HSF2: variants seen among roughly 807,000 people sequenced by gnomAD.
The protein encoded by HSF2 is heat shock transcription factor 2, also known as heat shock factor protein 2.
In HSF2, 21 loss-of-function variants were observed where a neutral mutation model predicts 65.0. The observed-to-expected ratio is 0.32, with a 90% CI of 0.23 to 0.47. The LOEUF (loss-of-function observed/expected upper bound fraction) is 0.47, where lower values mean the gene tolerates loss of function less well. Among genes scored for constraint, HSF2 ranks in the 20% least tolerant of loss-of-function variants. HSF2 has a pLI of 1.00. For missense variants in HSF2, 499 were observed against 628.1 expected (o/e 0.79, Z 2.20); for synonymous variants, 225 against 219.1 (o/e 1.03, Z -0.24).
intron 8 of HSF2, 90 bp from the exon 9 acceptor site, chr6:122,422,627 TG>T (rs1774262148): frequency 7.5e-7 from 1 of 1,330,922 alleles, no homozygotes; most frequent in Non-Finnish European, 1.1e-6. Flanking sequence ...GTATGTGGTA[TG>T]GGGAGAGAGT....
chr6:122,404,033 C>G lies in HSF2; in HGVS notation c.93+4203C>G, dbSNP rs9490447. ...GGTCATCCTTTTGTCAGTGTTGTTACCTTTGTCTCTGTTCTTCAGATTGTT... is the reference window on the plus strand; with the variant it reads ...GGTCATCCTTTTGTCAGTGTTGTTAGCTTTGTCTCTGTTCTTCAGATTGTT... On this transcript the variant is annotated intron_variant, in intron 1 of 12. Coordinates refer to ENST00000368455, the MANE Select transcript of HSF2 (RefSeq NM_004506.4). Among the ~76,000 whole-genome samples the G allele has an allele frequency of 5.8e-4, 88 of 152,266 alleles. 1 individual carries two copies. The highest frequency in any genetic ancestry group is 2.1e-3 in the African/African-American group (88 of 41,546).
chr6:122,431,711 T>C (rs977345744), intron 12 of HSF2, among the ~76,000 whole-genome samples, 197 bp downstream of exon 12: 2 of 152,032 alleles, frequency 1.3e-5, no homozygotes, highest in Admixed American at 1.3e-4. Flanking sequence ...TATTTAACTT[T>C]AGGAAACTAA....
At chr6:122,403,023 A>G (rs767443379) in intron 1 of HSF2, among the ~76,000 whole-genome samples, 37 of 151,770 alleles carry the variant, frequency 2.4e-4, no homozygotes, top group South Asian at 2.1e-4. Flanking sequence ...TTTTTTTTCA[A>G]TGGTGGAAAA....
chr6:122,423,009 T>G, intron 9 of HSF2, 52 bp downstream of exon 9: 1 of 1,588,932 alleles, frequency 6.3e-7, no homozygotes, highest in Non-Finnish European at 8.6e-7. Context: ...TTTGTTCACT[T>G]CACATGTTCT....
intron 6 of HSF2, 102 bp from the exon 7 acceptor site, chr6:122,420,033 T>A (rs960637829): frequency 5.1e-5 from 55 of 1,087,476 alleles, no homozygotes; most frequent in Non-Finnish European, 6.6e-5. Context: ...TTATTCATTA[T>A]TAAGTGAGTG....
chr6:122,423,416 G>T (rs1250230505), intron 9 of HSF2, among the ~76,000 whole-genome samples, 165 bp from the exon 10 acceptor site: 1 of 152,078 alleles, frequency 6.6e-6, no homozygotes, highest in East Asian at 1.9e-4. Flanking sequence ...CAGTTAACCA[G>T]ATTTTCAAGA....
intron 1 of HSF2, among the ~76,000 whole-genome samples, chr6:122,409,718 T>C (rs1289927961): frequency 6.6e-6 from 1 of 152,004 alleles, no homozygotes; most frequent in Non-Finnish European, 1.5e-5. Flanking sequence ...TCATCAAAAT[T>C]GTGTTTCTGT....
intron 6 of HSF2, among the ~76,000 whole-genome samples, chr6:122,419,570 G>A (rs1353008515): frequency 1.3e-5 from 2 of 151,952 alleles, no homozygotes; most frequent in East Asian, 3.9e-4. Flanking sequence ...AAAAAAAAAT[G>A]AAAATTTGTT....
chr6:122,421,172 C>T (rs1191847974), intron 7 of HSF2, among the ~76,000 whole-genome samples: 2 of 151,590 alleles, frequency 1.3e-5, no homozygotes, highest in Non-Finnish European at 2.9e-5. Context: ...AAATTTTTAC[C>T]TTCATTTTGT....
chr6:122,427,233 A>C (rs1337154919), intron 10 of HSF2, among the ~76,000 whole-genome samples: 1 of 152,060 alleles, frequency 6.6e-6, no homozygotes, highest in Non-Finnish European at 1.5e-5. Context: ...AGAGAGCAGG[A>C]ATGATGTCTT....
intron 1 of HSF2, among the ~76,000 whole-genome samples, chr6:122,409,659 A>G (rs952391380): frequency 6.6e-6 from 1 of 152,042 alleles, no homozygotes; most frequent in African/African-American, 2.4e-5. Context: ...TTTGCTCTAC[A>G]TTCTTCATTT....
Position 122,422,731 on chromosome 6 carries a change from C to G in HSF2, c.844C>G (p.Pro282Ala), listed in dbSNP as rs267600788. The change falls in exon 9 of 13, where the codon CCT becomes GCT. Residue 282 changes from proline (P) to alanine (A), a missense_variant. This residue lies in a region of HSF2 where 349 missense variants were observed against 393.5 expected (regional missense o/e 0.89). Coordinates refer to ENST00000368455, the MANE Select transcript of HSF2 (RefSeq NM_004506.4). ...ISDPSNCSQY[P>A]DIVIVEDDNE... The stretch of plus-strand genomic sequence containing the variant: ...TTGCTGATTTAGCTGTAGCCAGTAC[C>G]CTGATATTGTCATCGTTGAAGATGA... The G allele has an allele frequency of 1.2e-6, 2 of 1,613,300 alleles. No homozygotes were observed. Among genetic ancestry groups the G allele is most frequent in the Non-Finnish European group, 1.7e-6 (2 of 1,179,518 alleles).
intron 1 of HSF2, among the ~76,000 whole-genome samples, chr6:122,403,103 G>A (rs957795177): frequency 2.6e-5 from 4 of 151,822 alleles, no homozygotes; most frequent in African/African-American, 4.8e-5. Flanking sequence ...TTTGGAAAAC[G>A]CAGTTGGTAA....
rs1157671725 is a variant in HSF2 at position 122,404,970 on chromosome 6, A to G, written c.93+5140A>G. On this transcript the variant is annotated intron_variant, in intron 1 of 12. Coordinates refer to ENST00000368455, the MANE Select transcript of HSF2 (RefSeq NM_004506.4). ...CAAATAGTTGAAATTCTAAAAATTC[A>G]GTTTATTTGGCCAAAGATTAATTTA... Among the ~76,000 whole-genome samples, 4 of 152,208 alleles carry G rather than the reference A, an allele frequency of 2.6e-5. No individual in the cohort carries two copies. The South Asian group carries it at 6.2e-4, about 24-fold the overall frequency.
In HSF2 at chr6:122,413,686, A is replaced by T. The variant is rs755808599; in HGVS notation, c.455+37A>T. 3.2e-6 allele frequency: 5 copies of T among 1,541,952 alleles called. No individual in the cohort carries two copies. In the East Asian group the frequency reaches 1.1e-4, roughly 35 times the overall value. ...TTTCCAAATATAATTTTAATCTGGG[A>T]ATTGGGTATGTGTCTATGTGTGTTG... On this transcript the variant is annotated intron_variant, in intron 4 of 12. Transcript: ENST00000368455.
chr6:122,423,837 A>G (rs1163552813), intron 10 of HSF2, 151 bp downstream of exon 10: 1 of 486,244 alleles, frequency 2.1e-6, no homozygotes, highest in Non-Finnish European at 3.6e-6. Context: ...AAAGAATGAA[A>G]AAATAGGTTT....
In HSF2 at chr6:122,411,298, G is replaced by A. The variant is rs1390887389; in HGVS notation, c.94-1075G>A. On this transcript the variant is annotated intron_variant, in intron 1 of 12. Transcript: ENST00000368455. Reference sequence around the variant, plus strand: ...CACATCCTTGCTCGTTTTTTATCGGGTTGTTTGGGTTTTTTTTGTCTTTTG... The same window carrying A: ...CACATCCTTGCTCGTTTTTTATCGGATTGTTTGGGTTTTTTTTGTCTTTTG... 2.0e-5 allele frequency among the ~76,000 whole-genome samples: 3 copies of A among 151,712 alleles called. No homozygotes were observed. The East Asian group carries it at 5.8e-4, about 29-fold the overall frequency.
chr6:122,418,503 C>A (rs1231387734), intron 5 of HSF2, among the ~76,000 whole-genome samples: 1 of 152,192 alleles, frequency 6.6e-6, no homozygotes, highest in Non-Finnish European at 1.5e-5. Flanking sequence ...TCACAATTTT[C>A]TCTCTAAATT....
chr6:122,412,351 CT>C (rs2243358), intron 1 of HSF2, 21 bp from the exon 2 acceptor site: 57,099 of 930,066 alleles, frequency 0.061, 54 homozygotes, highest in South Asian at 0.079. Flanking sequence ...TTTACTTTTT[CT>C]TTTTTTTTTT....
Sources: gnomAD v4.1 joint callset for allele counts (sites outside exome capture counted in the v4.1 genomes callset) on GRCh38, gnomAD v4.1.1 for gene constraint, gnomAD v4.1.1 regional missense constraint, MANE v1.5 for transcripts, NCBI Gene and HGNC (gene_info 2026-07-23, HGNC 2026-07-21) for gene names.